The following ATG7 variants were observed in gnomAD, a reference collection of about 807,000 sequenced individuals.
The protein encoded by ATG7 is ubiquitin-like modifier-activating enzyme ATG7.
In ATG7, 70 loss-of-function variants were observed where a neutral mutation model predicts 82.4. The ratio of observed to expected loss-of-function variants is 0.85; its 90% confidence interval spans 0.70 to 1.04. ATG7 has a LOEUF of 1.04. Among genes scored for constraint, ATG7 ranks in the 50% least tolerant of loss-of-function variants. The pLI, the probability that ATG7 is intolerant of heterozygous loss-of-function variation, is 0.00. For missense variants in ATG7, 792 were observed against 864.3 expected, an observed-to-expected ratio of 0.92 and a Z score of 1.05; for synonymous variants, 287 against 313.0, an observed-to-expected ratio of 0.92 and a Z score of 0.88.
chr3:11,320,508 G>A (rs1381801469), intron 9 of ATG7, among the ~76,000 whole-genome samples: 5 of 152,110 alleles, frequency 3.3e-5, no homozygotes, highest in South Asian at 2.1e-4. Flanking sequence ...GGCCAGTCTC[G>A]TACTCCTGAC....
intron 1 of ATG7, among the ~76,000 whole-genome samples, chr3:11,277,653 A>G (rs1475644214): frequency 6.6e-6 from 1 of 152,202 alleles, no homozygotes; most frequent in Non-Finnish European, 1.5e-5. Context: ...AAACAGGACA[A>G]GGACAAAATC....
At chr3:11,415,088 G>GGCT (rs1444907538) in intron 19 of ATG7, among the ~76,000 whole-genome samples, 1 of 152,220 alleles carries the variant, frequency 6.6e-6, no homozygotes, top group African/African-American at 2.4e-5. Flanking sequence ...GTTGCTCCTA[G>GGCT]GCTGCAAGCC....
intron 20 of ATG7, among the ~76,000 whole-genome samples, chr3:11,434,999 T>C (rs904243304): frequency 6.6e-6 from 1 of 152,196 alleles, no homozygotes; most frequent in Non-Finnish European, 1.5e-5. Context: ...TGAAATTCTT[T>C]TTTTAAGCCT....
At chr3:11,467,845 A>G (rs771662824) in intron 20 of ATG7, among the ~76,000 whole-genome samples, 2 of 152,244 alleles carry the variant, frequency 1.3e-5, no homozygotes, top group African/African-American at 4.8e-5. Flanking sequence ...CTAACAAAGT[A>G]ACTGGTACAT....
chr3:11,531,629 T>C (rs2124978980), intron 20 of ATG7, among the ~76,000 whole-genome samples: 1 of 152,272 alleles, frequency 6.6e-6, no homozygotes, highest in South Asian at 2.1e-4. Context: ...TCCAGCACTT[T>C]GGGATGCCAA....
At chr3:11,561,080 G>A (rs1439551220), downstream of ATG7, among the ~76,000 whole-genome samples, 1 of 152,022 alleles carries the variant, frequency 6.6e-6, no homozygotes, top group African/African-American at 2.4e-5. Flanking sequence ...AGATGGCCAG[G>A]CCCTTCCTGA....
chr3:11,500,204 A>G (rs924268194), intron 20 of ATG7, among the ~76,000 whole-genome samples: 5 of 152,190 alleles, frequency 3.3e-5, no homozygotes, highest in Admixed American at 3.3e-4. Context: ...GGCAGTGGTG[A>G]GGATGTAATG....
chr3:11,392,479 A>AAAAG (rs2078898294), intron 19 of ATG7, among the ~76,000 whole-genome samples: 1 of 119,710 alleles, frequency 8.4e-6, no homozygotes, highest in Non-Finnish European at 1.9e-5. Flanking sequence ...AACAAAAAAA[A>AAAAG]CAAAACAAAA....
intron 15 of ATG7, among the ~76,000 whole-genome samples, chr3:11,358,974 A>G (rs892604437): frequency 1.3e-5 from 2 of 152,230 alleles, no homozygotes; most frequent in South Asian, 2.1e-4. Context: ...ATCATGGTGC[A>G]TACCTATGAT....
At chr3:11,448,592 G>C (rs1475361934) in intron 20 of ATG7, among the ~76,000 whole-genome samples, 1 of 152,214 alleles carries the variant, frequency 6.6e-6, no homozygotes, top group Non-Finnish European at 1.5e-5. Context: ...TTGCACAAAT[G>C]AGCAGTTGTG....
At chr3:11,547,727 G>T (rs1359299463) in intron 20 of ATG7, among the ~76,000 whole-genome samples, 4 of 152,230 alleles carry the variant, frequency 2.6e-5, no homozygotes, top group African/African-American at 9.6e-5. Flanking sequence ...TGGGTGTGAA[G>T]TGGTAGCTTA....
chr3:11,444,697 A>T (rs540903994), intron 20 of ATG7, among the ~76,000 whole-genome samples: 1 of 152,358 alleles, frequency 6.6e-6, no homozygotes, highest in African/African-American at 2.4e-5. Flanking sequence ...AACAATTGCA[A>T]CAAAAGCAAA....
chr3:11,470,793 G>A (rs2087411455), intron 20 of ATG7, among the ~76,000 whole-genome samples: 1 of 152,162 alleles, frequency 6.6e-6, no homozygotes, highest in Non-Finnish European at 1.5e-5. Context: ...AGAGGAGATG[G>A]GATTTAGGCT....
intron 1 of ATG7, among the ~76,000 whole-genome samples, chr3:11,273,159 T>C (rs1454342117): frequency 1.3e-5 from 2 of 152,254 alleles, no homozygotes; most frequent in Non-Finnish European, 2.9e-5. Context: ...AATTCTGGCG[T>C]TTAAAAACAT....
intron 18 of ATG7, among the ~76,000 whole-genome samples, chr3:11,379,626 A>T (rs906283593): frequency 2.0e-5 from 3 of 152,228 alleles, no homozygotes; most frequent in Non-Finnish European, 2.9e-5. Context: ...TTAAGAGTTG[A>T]GTATACCAGT....
the ATG7 span, among the ~76,000 whole-genome samples, chr3:11,563,258 T>A: frequency 5.3e-5 from 8 of 152,300 alleles, no homozygotes; most frequent in African/African-American, 1.9e-4. Context: ...CATACCCGTG[T>A]CCTTCAGGGA....
At chr3:11,403,176 G>T (rs2080000875) in intron 19 of ATG7, among the ~76,000 whole-genome samples, 1 of 152,148 alleles carries the variant, frequency 6.6e-6, no homozygotes, top group Non-Finnish European at 1.5e-5. Flanking sequence ...TCCACCCATT[G>T]TAAGACTAGA....
In ATG7 at chr3:11,372,801, GGT is replaced by G. The variant is rs10579739; in HGVS notation, c.1876-7157_1876-7156del. On this transcript the variant is annotated intron_variant, in intron 18 of 20. Coordinates refer to ENST00000693202, the MANE Select transcript of ATG7 (RefSeq NM_001349232.2). ...CTACAAAGTTGGTAGGTAAGGGCTG[GGT>G]GTGTGTGTGTGTGCGCGCGTGTGCG... Among the ~76,000 whole-genome samples, 85 of 147,504 alleles carry G rather than the reference GGT, an allele frequency of 5.8e-4. 4 individuals are homozygous for G. The South Asian group carries it at 0.017, about 30-fold the overall frequency.
intron 19 of ATG7, among the ~76,000 whole-genome samples, chr3:11,395,062 A>G (rs1481107401): frequency 3.3e-5 from 5 of 152,214 alleles, no homozygotes; most frequent in Non-Finnish European, 7.3e-5. Flanking sequence ...TGGGGACTGG[A>G]AACTCTAAAA....
Sources: gnomAD v4.1 joint callset for allele counts (sites outside exome capture counted in the v4.1 genomes callset) on GRCh38, gnomAD v4.1.1 for gene constraint, MANE v1.5 for transcripts, NCBI Gene and HGNC (gene_info 2026-07-23, HGNC 2026-07-21) for gene names.